The following IGF2BP2 variants were observed in gnomAD, a reference collection of about 807,000 sequenced individuals.
IGF2BP2 encodes insulin-like growth factor 2 mRNA-binding protein 2.
A neutral mutation model predicts 75.8 loss-of-function variants in IGF2BP2; 17 were observed. That is an observed-to-expected ratio of 0.22 (90% confidence interval 0.15 to 0.34). The LOEUF is 0.34. Ranked by LOEUF, IGF2BP2 falls within the 10% of genes least tolerant of loss-of-function variation. The pLI is 1.00. For missense variants in IGF2BP2, 516 were observed against 772.4 expected, an observed-to-expected ratio of 0.67 and a Z score of 3.93; for synonymous variants, 288 against 295.6, an observed-to-expected ratio of 0.97 and a Z score of 0.26.
At chr3:185,732,731 C>T (rs1022541857) in intron 2 of IGF2BP2, among the ~76,000 whole-genome samples, 2 of 152,202 alleles carry the variant, frequency 1.3e-5, no homozygotes, top group Admixed American at 6.5e-5. Flanking sequence ...AAAGTCACTG[C>T]TGTAGCTTGA....
At chr3:185,656,202 G>T (rs1329879517) in intron 12 of IGF2BP2, among the ~76,000 whole-genome samples, 1 of 152,342 alleles carries the variant, frequency 6.6e-6, no homozygotes, top group East Asian at 1.9e-4. Flanking sequence ...CCACCCTCAG[G>T]GGTCAGGCCA....
At chr3:185,706,070 C>A (rs1016079574) in intron 2 of IGF2BP2, among the ~76,000 whole-genome samples, 1 of 152,174 alleles carries the variant, frequency 6.6e-6, no homozygotes, top group Non-Finnish European at 1.5e-5. Flanking sequence ...TTAATTGTTT[C>A]CTGTTGAAAG....
chr3:185,775,135 A>T (rs1306136161), intron 2 of IGF2BP2, among the ~76,000 whole-genome samples: 3 of 152,260 alleles, frequency 2.0e-5, no homozygotes, highest in Non-Finnish European at 4.4e-5. Context: ...TTTGTAAAAG[A>T]ATAATAACAG....
At chr3:185,718,989 G>A (rs1726097784) in intron 2 of IGF2BP2, among the ~76,000 whole-genome samples, 1 of 152,168 alleles carries the variant, frequency 6.6e-6, no homozygotes, top group Non-Finnish European at 1.5e-5. Context: ...TGCCTTGCCA[G>A]GTGTTATTCA....
At chr3:185,807,417 G>A (rs1739174664) in intron 2 of IGF2BP2, among the ~76,000 whole-genome samples, 1 of 152,076 alleles carries the variant, frequency 6.6e-6, no homozygotes, top group Admixed American at 6.6e-5. Flanking sequence ...ATTCAGTAAG[G>A]ATCATAAAAG....
chr3:185,713,696 C>G (rs1725165373), intron 2 of IGF2BP2, among the ~76,000 whole-genome samples: 1 of 152,134 alleles, frequency 6.6e-6, no homozygotes, highest in Non-Finnish European at 1.5e-5. Flanking sequence ...GTAAGTGCTA[C>G]ATACTCTTTT....
At chr3:185,821,610 G>A (rs1049118248) in intron 2 of IGF2BP2, among the ~76,000 whole-genome samples, 2 of 151,918 alleles carry the variant, frequency 1.3e-5, no homozygotes, top group Non-Finnish European at 2.9e-5. Flanking sequence ...CATGAAATGA[G>A]ACACCAACTA....
At chr3:185,796,556 T>G (rs1428054349) in intron 2 of IGF2BP2, among the ~76,000 whole-genome samples, 1 of 106,254 alleles carries the variant, frequency 9.4e-6, no homozygotes, top group African/African-American at 4.6e-5. Context: ...CAGAGTGACA[T>G]TCCGTCTCAA....
At chr3:185,649,794 G>T (rs1283810476) in intron 13 of IGF2BP2, among the ~76,000 whole-genome samples, 1 of 152,204 alleles carries the variant, frequency 6.6e-6, no homozygotes, top group African/African-American at 2.4e-5. Context: ...CCTCCTCTAG[G>T]GAGCTTTCTG....
At chr3:185,745,977 C>G (rs765927301) in intron 2 of IGF2BP2, among the ~76,000 whole-genome samples, 8 of 152,088 alleles carry the variant, frequency 5.3e-5, no homozygotes, top group Admixed American at 3.3e-4. Flanking sequence ...TCCTTGCTAA[C>G]TGAAGTAGCC....
At position 185,813,766 on chromosome 3, in the gene IGF2BP2, C is replaced by T. The variant is rs533141597; in HGVS notation, c.239+9387G>A. ...CATACATTCCAACACATTGAGCAAG[C>T]ACACACATGCCTCCCCAGCTTCCCC... On this transcript the variant is annotated intron_variant, in intron 2 of 15. Coordinates refer to ENST00000382199, the MANE Select transcript of IGF2BP2 (RefSeq NM_006548.6). 7.2e-5 allele frequency among the ~76,000 whole-genome samples: 11 copies of T among 152,296 alleles called. No individual in the cohort carries two copies. The South Asian group carries it at 2.3e-3, about 32-fold the overall frequency.
chr3:185,799,733 C>T (rs1737945168), intron 2 of IGF2BP2, among the ~76,000 whole-genome samples: 1 of 148,116 alleles, frequency 6.8e-6, no homozygotes, highest in Non-Finnish European at 1.5e-5. Flanking sequence ...GCCTGGGAGA[C>T]AGAGCGAGAC....
rs1476403727 is a variant in IGF2BP2 at position 185,753,902 on chromosome 3, G to A, written c.240-55555C>T. Among the ~76,000 whole-genome samples the A allele has an allele frequency of 2.6e-5, 4 of 151,964 alleles. No individual in the cohort carries two copies. The East Asian group carries it at 7.7e-4, about 29-fold the overall frequency. On this transcript the variant is annotated intron_variant, in intron 2 of 15. Transcript: ENST00000382199. ...CACTCAGTTAGTGCATGCAAGATCTGGTTGTTTAAAAGAGTCTGATGCCAG... is the reference window on the plus strand; with the variant it reads ...CACTCAGTTAGTGCATGCAAGATCTAGTTGTTTAAAAGAGTCTGATGCCAG...
intron 2 of IGF2BP2, 60 bp from the exon 3 acceptor site, chr3:185,698,407 A>G: frequency 6.7e-7 from 1 of 1,496,808 alleles, no homozygotes; most frequent in Non-Finnish European, 9.3e-7. Flanking sequence ...ACAGCAAATA[A>G]TAAAAACCGG....
At chr3:185,824,660 G>A (rs1221638338) in intron 1 of IGF2BP2, 123 bp downstream of exon 1, 1 of 582,976 alleles carries the variant, frequency 1.7e-6, no homozygotes, top group Non-Finnish European at 2.5e-6. Flanking sequence ...CTGGTGCGTG[G>A]AAGTGAGCGT....
intron 12 of IGF2BP2, among the ~76,000 whole-genome samples, chr3:185,653,495 C>A (rs1191373666): frequency 1.3e-5 from 2 of 151,990 alleles, no homozygotes; most frequent in African/African-American, 4.8e-5. Flanking sequence ...GTGGCGCGTG[C>A]CTGCAGTCCC....
At chr3:185,746,284 G>C (rs1008500788) in intron 2 of IGF2BP2, among the ~76,000 whole-genome samples, 1 of 152,136 alleles carries the variant, frequency 6.6e-6, no homozygotes, top group African/African-American at 2.4e-5. Context: ...GATAGGAAGT[G>C]ATGTCCCAGC....
intron 2 of IGF2BP2, among the ~76,000 whole-genome samples, chr3:185,771,419 G>A (rs555039111): frequency 6.4e-5 from 9 of 141,702 alleles, no homozygotes; most frequent in East Asian, 2.0e-4. Flanking sequence ...CAGCCTGGGC[G>A]AAAGAGTAAG....
chr3:185,675,448 A>C lies in IGF2BP2; in HGVS notation c.936-17T>G, dbSNP rs750102014. On this transcript the variant is annotated splice_polypyrimidine_tract_variant and intron_variant, in intron 8 of 15. Transcript: ENST00000382199. ...TCCTGCAAACTGACCCATGAGAAGA[A>C]AAGAGAAATTTTGTTTTCAACGGGA... The C allele has an allele frequency of 1.9e-6, 3 of 1,589,188 alleles. No individual in the cohort carries two copies. In the East Asian group the frequency reaches 6.7e-5, roughly 35 times the overall value.
Sources: gnomAD v4.1 joint callset for allele counts (sites outside exome capture counted in the v4.1 genomes callset) on GRCh38, gnomAD v4.1.1 for gene constraint, MANE v1.5 for transcripts, NCBI Gene and HGNC (gene_info 2026-07-23, HGNC 2026-07-21) for gene names.